The following WASHC3 variants were observed in gnomAD, a reference collection of about 807,000 sequenced individuals.
The protein encoded by WASHC3 is WASH complex subunit CCDC53.
In WASHC3, 24 loss-of-function variants were observed where a neutral mutation model predicts 26.1. The ratio of observed to expected loss-of-function variants is 0.92; its 90% CI spans 0.66 to 1.29. WASHC3 has a LOEUF of 1.29. Among genes scored for constraint, WASHC3 ranks in the 50% most tolerant of loss-of-function variants. The pLI is 0.00. For synonymous variants in WASHC3, 77 were observed against 75.7 expected (o/e 1.02, Z -0.09); for missense variants, 214 against 229.6 (o/e 0.93, Z 0.44).
In WASHC3 at chr12:102,044,207, T is replaced by C. The variant is rs1878060835; in HGVS notation, c.222A>G (p.Ser74=). 1.3e-6 allele frequency: 2 copies of C among 1,574,522 alleles called. No individual in the cohort carries two copies. The highest frequency in any genetic ancestry group is 2.3e-5 in the South Asian group (2 of 87,312). Residue 74 remains serine, a synonymous_variant, in exon 4 of 7, where the codon TCA becomes TCG. Coordinates refer to ENST00000240079, the MANE Select transcript of WASHC3 (RefSeq NM_016053.4). Reference sequence around the variant, plus strand: ...TGACATCATCTAGGCCTGGGATAGATGACAACTGAGAAAAGAAAATTAGTA... The same window carrying C: ...TGACATCATCTAGGCCTGGGATAGACGACAACTGAGAAAAGAAAATTAGTA... ...TTLNILDAKL[S]SIPGLDDVTV... is the part of the protein sequence containing the mutation.
intron 6 of WASHC3, among the ~76,000 whole-genome samples, chr12:102,023,321 T>C (rs1877032394): frequency 6.6e-6 from 1 of 152,188 alleles, no homozygotes. Context: ...TGCCCTTTGC[T>C]CAGTGCAGAT....
intron 1 of WASHC3, 106 bp downstream of exon 1, chr12:102,061,806 G>A (rs1226258098): frequency 1.0e-6 from 1 of 954,168 alleles, no homozygotes; most frequent in Non-Finnish European, 1.6e-6. Context: ...AAGGGCCCGA[G>A]GCCGTGACAG....
chr12:102,043,760 T>C (rs1278033433), intron 4 of WASHC3: 1 of 152,984 alleles, frequency 6.5e-6, no homozygotes, highest in Non-Finnish European at 1.5e-5. Context: ...TCCAGGTCTA[T>C]TTTTGTGTAT....
intron 5 of WASHC3, among the ~76,000 whole-genome samples, chr12:102,030,583 T>TAAAC (rs1021082101): frequency 3.9e-5 from 6 of 152,148 alleles, no homozygotes; most frequent in African/African-American, 1.4e-4. Flanking sequence ...AAATATTTGG[T>TAAAC]AAACAACTAG....
chr12:102,056,493 T>C (rs933732956), intron 2 of WASHC3, among the ~76,000 whole-genome samples: 13 of 152,204 alleles, frequency 8.5e-5, no homozygotes, highest in Non-Finnish European at 1.5e-4. Context: ...CTACAACTAT[T>C]CTACATCTTG....
chr12:102,046,048 A>C lies in WASHC3; in HGVS notation c.216+6T>G, dbSNP rs1049397245. The C allele has an allele frequency of 5.6e-5, 86 of 1,541,752 alleles. No homozygotes were observed. Among genetic ancestry groups the C allele is most frequent in the Non-Finnish European group, 7.3e-5 (82 of 1,122,810 alleles). On this transcript the variant is annotated splice_donor_region_variant and intron_variant, in intron 3 of 6. Coordinates refer to ENST00000240079, the MANE Select transcript of WASHC3 (RefSeq NM_016053.4). ...TTTATACTACAAATTATTGAGAAAT[A>C]CCAACCTTTGCATCTAAAATATTGA...
chr12:102,034,500 G>T (rs1446996344), intron 5 of WASHC3, among the ~76,000 whole-genome samples: 1 of 152,150 alleles, frequency 6.6e-6, no homozygotes, highest in Admixed American at 6.5e-5. Flanking sequence ...TACTGCTGAA[G>T]AATAATATTT....
intron 6 of WASHC3, among the ~76,000 whole-genome samples, chr12:102,021,863 TTTTG>T (rs1876974187): frequency 2.0e-5 from 3 of 152,282 alleles, no homozygotes; most frequent in Admixed American, 1.3e-4. Context: ...TCCAGTATCC[TTTTG>T]TTTAACAATA....
chr12:102,022,136 A>G (rs1228884480), intron 6 of WASHC3, among the ~76,000 whole-genome samples: 1 of 152,186 alleles, frequency 6.6e-6, no homozygotes, highest in Non-Finnish European at 1.5e-5. Context: ...GTTCAATTGA[A>G]TTTCAATTTC....
intron 4 of WASHC3, among the ~76,000 whole-genome samples, chr12:102,043,393 C>T (rs1878020476): frequency 6.6e-6 from 1 of 152,074 alleles, no homozygotes; most frequent in Non-Finnish European, 1.5e-5. Flanking sequence ...CCTCAGCCTC[C>T]CGAGTAGTGA....
At chr12:102,025,772 C>G in intron 6 of WASHC3, 1 of 459,304 alleles carries the variant, frequency 2.2e-6, no homozygotes, top group Non-Finnish European at 3.8e-6. Context: ...TGAAACTGTT[C>G]CTAAAATGTG....
At chr12:102,031,820 A>G (rs1877450322) in intron 5 of WASHC3, among the ~76,000 whole-genome samples, 1 of 152,170 alleles carries the variant, frequency 6.6e-6, no homozygotes, top group Admixed American at 6.6e-5. Flanking sequence ...AAGAAATCAC[A>G]TCGTTATTAA....
intron 6 of WASHC3, among the ~76,000 whole-genome samples, chr12:102,022,625 A>C (rs1473887285): frequency 6.6e-6 from 1 of 152,214 alleles, no homozygotes; most frequent in Non-Finnish European, 1.5e-5. Flanking sequence ...CCTTATCCTG[A>C]GCCTTAACTA....
At chr12:102,024,801 A>G (rs143391320) in intron 6 of WASHC3, among the ~76,000 whole-genome samples, 187 of 152,326 alleles carry the variant, frequency 1.2e-3, no homozygotes, top group African/African-American at 4.3e-3. Context: ...ATATATTGCA[A>G]TGAATACCAA....
intron 6 of WASHC3, among the ~76,000 whole-genome samples, chr12:102,021,634 G>C (rs1197602239): frequency 6.6e-6 from 1 of 152,146 alleles, no homozygotes; most frequent in Non-Finnish European, 1.5e-5. Context: ...GGAGAACCTA[G>C]CTCAGCAAAA....
At chr12:102,057,370 C>G (rs1175341916) in intron 2 of WASHC3, among the ~76,000 whole-genome samples, 1 of 152,106 alleles carries the variant, frequency 6.6e-6, no homozygotes, top group Non-Finnish European at 1.5e-5. Flanking sequence ...CAAGGATATT[C>G]ACTCTTACCC....
rs1190056353 is a variant in WASHC3 at position 102,053,823 on chromosome 12, G to A, written c.150+7425C>T. 3.7e-4 allele frequency among the ~76,000 whole-genome samples: 57 copies of A among 152,100 alleles called. 1 individual carries two copies. Among genetic ancestry groups the A allele is most frequent in the Admixed American group, 3.7e-3 (57 of 15,278 alleles). ...TTCAGAATATTCTAATACTGTCATGGTGATTAAATCACTTATATCTTTAGT... is the reference window on the plus strand; with the variant it reads ...TTCAGAATATTCTAATACTGTCATGATGATTAAATCACTTATATCTTTAGT... On this transcript the variant is annotated intron_variant, in intron 2 of 6. Coordinates refer to ENST00000240079, the MANE Select transcript of WASHC3 (RefSeq NM_016053.4).
At chr12:102,051,203 C>T (rs1878380238) in intron 2 of WASHC3, among the ~76,000 whole-genome samples, 2 of 152,168 alleles carry the variant, frequency 1.3e-5, no homozygotes, top group Non-Finnish European at 2.9e-5. Context: ...TGGTTCAAAC[C>T]AGATCCTGTC....
chr12:102,035,844 C>A (rs929311393), intron 5 of WASHC3, among the ~76,000 whole-genome samples: 1 of 152,076 alleles, frequency 6.6e-6, no homozygotes, highest in African/African-American at 2.4e-5. Context: ...AGGAAGAATA[C>A]CGGTAAAGTC....
Sources: allele counts gnomAD v4.1 joint callset (sites outside exome capture counted in the v4.1 genomes callset), GRCh38; gene constraint gnomAD v4.1.1; transcripts MANE v1.5; gene names NCBI Gene and HGNC (gene_info 2026-07-23, HGNC 2026-07-21).